ZNF423: variants seen among roughly 807,000 people sequenced by gnomAD.
ZNF423 encodes Ebf-associated zinc finger protein.
ZNF423 carries 12 observed loss-of-function variants against 95.8 expected under a neutral mutation model. The ratio of observed to expected loss-of-function variants is 0.13; its 90% CI spans 0.08 to 0.20. ZNF423 has a LOEUF of 0.20. ZNF423 is among the 10% of genes least tolerant of loss of function. The probability of loss-of-function intolerance (pLI) is 1.00; values close to 1 mark genes in which losing one functional copy is unlikely to be tolerated. For synonymous variants in ZNF423, 749 were observed against 711.9 expected (o/e 1.05, Z -0.83); for missense variants, 1,316 against 1,737.1 (o/e 0.76, Z 4.31).
intron 7 of ZNF423, among the ~76,000 whole-genome samples, chr16:49,514,716 C>T (rs1968062352): frequency 6.6e-6 from 1 of 152,252 alleles, no homozygotes; most frequent in Admixed American, 6.5e-5. Context: ...TGAGCTAATC[C>T]TTTAAATGCG....
At chr16:49,775,526 AC>A (rs2034106685) in intron 2 of ZNF423, among the ~76,000 whole-genome samples, 1 of 152,216 alleles carries the variant, frequency 6.6e-6, no homozygotes, top group Non-Finnish European at 1.5e-5. Context: ...CATGCTGGAC[AC>A]ATGTCATGTA....
At chr16:49,507,061 G>A (rs1173435982) in intron 7 of ZNF423, among the ~76,000 whole-genome samples, 4 of 152,130 alleles carry the variant, frequency 2.6e-5, no homozygotes, top group Non-Finnish European at 5.9e-5. Flanking sequence ...TCTTGCCTTG[G>A]CTAATTACTG....
At chr16:49,503,309 C>G (rs1282462248) in intron 7 of ZNF423, among the ~76,000 whole-genome samples, 1 of 152,142 alleles carries the variant, frequency 6.6e-6, no homozygotes, top group Non-Finnish European at 1.5e-5. Flanking sequence ...GTTGTCTCCT[C>G]GAGGAGGCAG....
rs188125257 is a variant in ZNF423, at chr16:49,780,905, G to A, written c.100+8582C>T. Among the ~76,000 whole-genome samples, 400 of 152,300 alleles carry A rather than the reference G, an allele frequency of 2.6e-3. 10 individuals carry two copies. Among genetic ancestry groups the A allele is most frequent in the Non-Finnish European group, 7.2e-4 (49 of 68,030 alleles). ...TTTTGCTCCTTTAAAATGTCCCTTG[G>A]TCCTCATCAAGAAGATGATTGGGTT... is the stretch of plus-strand genomic sequence containing the variant. On this transcript the variant is annotated intron_variant, in intron 2 of 7. Transcript: ENST00000563137.
At chr16:49,700,535 G>T (rs954669029) in intron 3 of ZNF423, among the ~76,000 whole-genome samples, 1 of 152,234 alleles carries the variant, frequency 6.6e-6, no homozygotes. Flanking sequence ...GAACATCCAG[G>T]ATTGGCACTG....
chr16:49,500,895 T>A (rs1397709363), intron 7 of ZNF423, among the ~76,000 whole-genome samples: 1 of 150,502 alleles, frequency 6.6e-6, no homozygotes, highest in Non-Finnish European at 1.5e-5. Context: ...GGGTGAGACC[T>A]CATTTAAAAA....
At chr16:49,625,569 C>A (rs1246059747) in intron 5 of ZNF423, among the ~76,000 whole-genome samples, 1 of 152,190 alleles carries the variant, frequency 6.6e-6, no homozygotes, top group African/African-American at 2.4e-5. Context: ...CCCTCTCCTA[C>A]AATGAGGGCA....
At chr16:49,571,613 G>A (rs1471711763) in intron 5 of ZNF423, among the ~76,000 whole-genome samples, 1 of 152,168 alleles carries the variant, frequency 6.6e-6, no homozygotes, top group East Asian at 1.9e-4. Context: ...TAAGGACAAT[G>A]GGAGCGACTG....
At chr16:49,666,087 G>A (rs906536132) in intron 3 of ZNF423, among the ~76,000 whole-genome samples, 2 of 152,212 alleles carry the variant, frequency 1.3e-5, no homozygotes, top group Admixed American at 6.5e-5. Context: ...AAAACGCAGC[G>A]AAGGCCGGGG....
chr16:49,543,272 G>C (rs1317832281), intron 5 of ZNF423, among the ~76,000 whole-genome samples: 1 of 152,148 alleles, frequency 6.6e-6, no homozygotes, highest in Non-Finnish European at 1.5e-5. Context: ...CAACAATGCT[G>C]GGAGCCTGGC....
intron 1 of ZNF423, among the ~76,000 whole-genome samples, chr16:49,840,793 C>T (rs137949188): frequency 1.3e-3 from 196 of 152,270 alleles, no homozygotes; most frequent in Middle Eastern, 3.4e-3. Flanking sequence ...CTCAGACACA[C>T]GCACAGTCAT....
chr16:49,799,096 T>C (rs1391931099), intron 1 of ZNF423, among the ~76,000 whole-genome samples: 1 of 152,168 alleles, frequency 6.6e-6, no homozygotes, highest in Non-Finnish European at 1.5e-5. Flanking sequence ...AATAGGCTGC[T>C]GTCCCCCAAG....
At chr16:49,504,937 A>T (rs1967572041) in intron 7 of ZNF423, among the ~76,000 whole-genome samples, 2 of 152,150 alleles carry the variant, frequency 1.3e-5, no homozygotes, top group Admixed American at 1.3e-4. Flanking sequence ...AGTCCAGCAA[A>T]GGGGGCCCTG....
At chr16:49,795,650 A>T (rs182158506) in intron 1 of ZNF423, among the ~76,000 whole-genome samples, 488 of 152,300 alleles carry the variant, frequency 3.2e-3, no homozygotes, top group Non-Finnish European at 5.2e-3. Flanking sequence ...TTCACCGGAC[A>T]GGGCCTTGGA....
intron 7 of ZNF423, among the ~76,000 whole-genome samples, chr16:49,521,303 TTTA>T (rs1968385508): frequency 6.6e-6 from 1 of 152,104 alleles, no homozygotes; most frequent in Non-Finnish European, 1.5e-5. Context: ...TAAATCGTAG[TTTA>T]TATGCACTCA....
intron 5 of ZNF423, among the ~76,000 whole-genome samples, chr16:49,546,715 T>G (rs775691820): frequency 3.9e-5 from 6 of 152,224 alleles, no homozygotes; most frequent in Admixed American, 1.3e-4. Context: ...TGAACCTTAA[T>G]GCTTTTCGAA....
At chr16:49,854,806 C>T in intron 1 of ZNF423, 1 of 985,400 alleles carries the variant, frequency 1.0e-6, no homozygotes, top group African/African-American at 1.7e-5. Flanking sequence ...AAATAGAAAG[C>T]AAAGCGTGGA....
chr16:49,576,759 T>A (rs1970513004), intron 5 of ZNF423, among the ~76,000 whole-genome samples: 2 of 152,194 alleles, frequency 1.3e-5, no homozygotes, highest in Non-Finnish European at 2.9e-5. Flanking sequence ...GAGCTGAATT[T>A]TTTCCATTGG....
intron 5 of ZNF423, among the ~76,000 whole-genome samples, chr16:49,556,943 T>C (rs2151762071): frequency 6.6e-6 from 1 of 152,170 alleles, no homozygotes; most frequent in South Asian, 2.1e-4. Context: ...GCTGTAAAAA[T>C]ATTGGTGGGA....
Sources: gnomAD v4.1 joint callset for allele counts (sites outside exome capture counted in the v4.1 genomes callset) on GRCh38, gnomAD v4.1.1 for gene constraint, MANE v1.5 for transcripts, NCBI Gene and HGNC (gene_info 2026-07-23, HGNC 2026-07-21) for gene names.